DENND5B: variants seen among roughly 807,000 people sequenced by gnomAD.
DENND5B encodes the protein DENN domain containing 5B, also known as DENN domain-containing protein 5B.
DENND5B carries 34 observed loss-of-function variants against 140.6 expected under a neutral mutation model. The ratio of observed to expected loss-of-function variants is 0.24; its 90% CI spans 0.18 to 0.32. The LOEUF (loss-of-function observed/expected upper bound fraction) is 0.32, where lower values mean the gene tolerates loss of function less well. DENND5B is among the 10% of genes least tolerant of loss of function. The probability of loss-of-function intolerance (pLI) is 1.00; values close to 1 mark genes in which losing one functional copy is unlikely to be tolerated. For missense variants in DENND5B, 1,142 were observed against 1,560.2 expected, an observed-to-expected ratio of 0.73 and a Z score of 4.52; for synonymous variants, 551 against 562.1, an observed-to-expected ratio of 0.98 and a Z score of 0.28.
In DENND5B at chr12:31,439,755, C is replaced by A. The variant is rs1158919985; in HGVS notation, c.2012+3020G>T. 2.0e-5 allele frequency among the ~76,000 whole-genome samples: 3 copies of A among 151,904 alleles called. No homozygotes were observed. The East Asian group carries it at 5.8e-4, about 29-fold the overall frequency. ...GACCAGCCTAACCAACATAGTAAAA[C>A]CCTGTCTCTAATAAAAAAATAAAAT... On this transcript the variant is annotated intron_variant, in intron 7 of 20. Transcript: ENST00000389082.
intron 1 of DENND5B, among the ~76,000 whole-genome samples, chr12:31,575,627 G>A (rs1029090637): frequency 3.3e-5 from 5 of 152,120 alleles, no homozygotes; most frequent in Non-Finnish European, 7.4e-5. Flanking sequence ...GGAAATAAAA[G>A]GTACTAAACC....
At chr12:31,500,610 G>T (rs1946966253) in intron 1 of DENND5B, 7 of 271,170 alleles carry the variant, frequency 2.6e-5, no homozygotes, top group South Asian at 2.3e-4. Flanking sequence ...AACCCAAGAG[G>T]TGGAGGTTGT....
At chr12:31,507,173 G>T (rs889662292) in intron 1 of DENND5B, among the ~76,000 whole-genome samples, 1 of 151,924 alleles carries the variant, frequency 6.6e-6, no homozygotes, top group African/African-American at 2.4e-5. Flanking sequence ...ACAAAGACCA[G>T]ACAAATTCCT....
intron 13 of DENND5B, among the ~76,000 whole-genome samples, chr12:31,411,971 T>C (rs1042576662): frequency 2.0e-5 from 3 of 152,030 alleles, no homozygotes; most frequent in Non-Finnish European, 4.4e-5. Context: ...AGACAGCTTC[T>C]TTTTTTTGTT....
chr12:31,415,407 T>C lies in DENND5B; in HGVS notation c.2512A>G (p.Met838Val), dbSNP rs1942680371. The C allele has an allele frequency of 6.2e-7, 1 of 1,610,738 alleles. No homozygotes were observed. Among genetic ancestry groups the C allele is most frequent in the African/African-American group, 1.3e-5 (1 of 74,972 alleles). Residue 838 changes from methionine to valine, a missense_variant, in exon 12 of 21, where the codon ATG becomes GTG. By Grantham distance (21) the Met-to-Val change is conservative. Around this residue, in one of 5 missense-constraint regions of DENND5B, gnomAD observed 268 missense variants for 349.2 expected, o/e 0.77. Coordinates refer to ENST00000389082, the MANE Select transcript of DENND5B (RefSeq NM_144973.4). Reference protein sequence around the residue: ...PERRKSDSGVMLPTLRVSLIQ... With the variant: ...PERRKSDSGVVLPTLRVSLIQ... ...AGAGAGACCCTGAGCGTTGGCAACA[T>C]AACTCCTGAGTCAGATTTTCTTCTT...
At chr12:31,406,134 C>G (rs1428421456) in intron 14 of DENND5B, among the ~76,000 whole-genome samples, 1 of 152,074 alleles carries the variant, frequency 6.6e-6, no homozygotes, top group Non-Finnish European at 1.5e-5. Context: ...GTGTGAGCCA[C>G]CATGCCCAGC....
chr12:31,397,084 CTATT>C (rs1179861132), intron 17 of DENND5B, among the ~76,000 whole-genome samples: 4 of 152,048 alleles, frequency 2.6e-5, no homozygotes, highest in Non-Finnish European at 2.9e-5. Context: ...GTAATTTAGT[CTATT>C]AAAGCCTACA....
At chr12:31,492,286 G>A (rs1445075225) in intron 2 of DENND5B, among the ~76,000 whole-genome samples, 2 of 152,192 alleles carry the variant, frequency 1.3e-5, no homozygotes, top group Non-Finnish European at 2.9e-5. Context: ...AAAGATTAAT[G>A]TTTTGCAGAT....
chr12:31,424,460 A>G (rs1943150744), intron 10 of DENND5B, 75 bp downstream of exon 10: 1 of 1,437,070 alleles, frequency 7.0e-7, no homozygotes, highest in Non-Finnish European at 9.2e-7. Flanking sequence ...TTTTAATGAC[A>G]TATTTGTCTC....
intron 3 of DENND5B, among the ~76,000 whole-genome samples, chr12:31,461,118 C>A (rs543441658): frequency 5.9e-5 from 9 of 151,558 alleles, no homozygotes; most frequent in African/African-American, 2.2e-4. Context: ...CTGGCCCCGT[C>A]GCCCAGGCTG....
In DENND5B at chr12:31,421,227, T is replaced by C. The variant is rs1262528476; in HGVS notation, c.2470+2370A>G. On this transcript the variant is annotated intron_variant, in intron 11 of 20. Transcript: ENST00000389082. ...GCCTGGCTAATTTTTGTATTTTTAGTAGAGAGTGGGTTTCATCATGTTGGC... is the reference window on the plus strand; with the variant it reads ...GCCTGGCTAATTTTTGTATTTTTAGCAGAGAGTGGGTTTCATCATGTTGGC... Among the ~76,000 whole-genome samples the C allele has an allele frequency of 2.0e-5, 3 of 151,900 alleles. No homozygotes were observed. In the South Asian group the frequency reaches 6.2e-4, roughly 32 times the overall value.
intron 1 of DENND5B, among the ~76,000 whole-genome samples, chr12:31,532,398 G>A (rs1179239644): frequency 6.6e-6 from 1 of 152,142 alleles, no homozygotes; most frequent in East Asian, 1.9e-4. Context: ...ACATATTTAG[G>A]CTCATAGACC....
intron 8 of DENND5B, among the ~76,000 whole-genome samples, chr12:31,430,488 C>G: frequency 1.9e-5 from 1 of 51,480 alleles, no homozygotes; most frequent in Non-Finnish European, 4.1e-5. Flanking sequence ...CCCGTCTCTA[C>G]TAAAAATACA....
rs77498250 is a variant in DENND5B at position 31,511,379 on chromosome 12, C to T, written c.128-15460G>A. Among the ~76,000 whole-genome samples, 962 of 152,230 alleles carry T rather than the reference C, an allele frequency of 6.3e-3. 5 individuals are homozygous for T. The highest frequency in any genetic ancestry group is 0.022 in the African/African-American group (928 of 41,524). On this transcript the variant is annotated intron_variant, in intron 1 of 20. Transcript: ENST00000389082. ...TTTATGGTCCAATATTTTAAAAATTCCATAGCTTAATTTTTAAATGAACCA... is the reference window on the plus strand; with the variant it reads ...TTTATGGTCCAATATTTTAAAAATTTCATAGCTTAATTTTTAAATGAACCA...
chr12:31,522,391 G>A (rs574965387), intron 1 of DENND5B, among the ~76,000 whole-genome samples: 1 of 152,258 alleles, frequency 6.6e-6, no homozygotes, highest in African/African-American at 2.4e-5. Flanking sequence ...CAATTTCCTA[G>A]GTGAGGTAAA....
At chr12:31,436,960 C>T (rs541027828) in intron 7 of DENND5B, among the ~76,000 whole-genome samples, 2 of 152,196 alleles carry the variant, frequency 1.3e-5, no homozygotes, top group Non-Finnish European at 2.9e-5. Flanking sequence ...CCACTGCTTC[C>T]AGAAAGTGTT....
rs1941016134 is a variant in DENND5B, at chr12:31,389,487, C to T, written c.3478G>A (p.Ala1160Thr). ...ATCTGGTCAGTTGTTTCAAAATAAGCAACCACTTTCTCTGAGGAAAAAAGT... is the reference window on the plus strand; with the variant it reads ...ATCTGGTCAGTTGTTTCAAAATAAGTAACCACTTTCTCTGAGGAAAAAAGT... ...FIWDFIEKVV[A>T]YFETTDQILD... The change falls in exon 20 of 21, where the codon GCT (alanine) becomes ACT (threonine). Residue 1160 changes from alanine to threonine, a missense_variant. Physicochemically the swap from Ala to Thr is moderately conservative, Grantham distance 58. Coordinates refer to ENST00000389082, the MANE Select transcript of DENND5B (RefSeq NM_144973.4). The T allele has an allele frequency of 1.3e-6, 2 of 1,583,862 alleles. No individual in the cohort carries two copies. The highest frequency in any genetic ancestry group is 1.7e-6 in the Non-Finnish European group (2 of 1,163,796).
intron 1 of DENND5B, among the ~76,000 whole-genome samples, chr12:31,498,694 C>T (rs532982199): frequency 6.6e-6 from 1 of 152,004 alleles, no homozygotes; most frequent in African/African-American, 2.4e-5. Context: ...AGAAATGGGC[C>T]GGGCACTGTG....
At chr12:31,440,848 G>A (rs1943997430) in intron 7 of DENND5B, among the ~76,000 whole-genome samples, 1 of 152,032 alleles carries the variant, frequency 6.6e-6, no homozygotes, top group Non-Finnish European at 1.5e-5. Context: ...TGATTCTCAT[G>A]CCTCAGCCTC....
Sources: gnomAD v4.1 joint callset for allele counts (sites outside exome capture counted in the v4.1 genomes callset) on GRCh38, gnomAD v4.1.1 for gene constraint, gnomAD v4.1.1 regional missense constraint, MANE v1.5 for transcripts, NCBI Gene and HGNC (gene_info 2026-07-23, HGNC 2026-07-21) for gene names.